The following MCTP1 variants were observed in gnomAD, a reference collection of about 807,000 sequenced individuals.
MCTP1 encodes multiple C2 and transmembrane domain-containing protein 1.
In MCTP1, 69 loss-of-function variants were observed where a neutral mutation model predicts 120.6. The observed-to-expected ratio is 0.57, with a 90% confidence interval of 0.47 to 0.70. MCTP1 has a LOEUF of 0.70. Ranked by LOEUF, MCTP1 falls within the 30% of genes least tolerant of loss-of-function variation. MCTP1 has a pLI of 0.00. For missense variants in MCTP1, 1,203 were observed against 1,248.8 expected (o/e 0.96, Z 0.55); for synonymous variants, 529 against 493.1 (o/e 1.07, Z -0.96).
intron 1 of MCTP1, among the ~76,000 whole-genome samples, chr5:95,110,531 A>C (rs1757378704): frequency 6.6e-6 from 1 of 152,152 alleles, no homozygotes; most frequent in Admixed American, 6.6e-5. Flanking sequence ...ATGTGAGTTA[A>C]AATAAACCTT....
At chr5:95,017,124 C>T (rs1837275916) in intron 2 of MCTP1, among the ~76,000 whole-genome samples, 1 of 152,104 alleles carries the variant, frequency 6.6e-6, no homozygotes, top group Non-Finnish European at 1.5e-5. Context: ...TCTAATTTGT[C>T]AGCAGTTTGA....
At chr5:95,130,745 G>A (rs969654781) in intron 1 of MCTP1, among the ~76,000 whole-genome samples, 20 of 152,052 alleles carry the variant, frequency 1.3e-4, no homozygotes, top group African/African-American at 4.8e-4. Flanking sequence ...AATCATACGG[G>A]ATTATCACCT....
At chr5:95,140,380 A>G (rs1490435851) in intron 1 of MCTP1, among the ~76,000 whole-genome samples, 1 of 152,150 alleles carries the variant, frequency 6.6e-6, no homozygotes, top group Non-Finnish European at 1.5e-5. Flanking sequence ...TTACTTCTCT[A>G]TAGTCCAGAA....
intron 3 of MCTP1, among the ~76,000 whole-genome samples, chr5:94,946,032 A>C (rs1818827502): frequency 6.6e-6 from 1 of 152,244 alleles, no homozygotes; most frequent in African/African-American, 2.4e-5. Flanking sequence ...AGGAACAGCT[A>C]CTGAGGGAGC....
intron 17 of MCTP1, among the ~76,000 whole-genome samples, chr5:94,831,081 T>C (rs939957930): frequency 6.6e-6 from 1 of 152,224 alleles, no homozygotes; most frequent in African/African-American, 2.4e-5. Flanking sequence ...GAAGACATGA[T>C]GCTATAGACG....
chr5:94,759,979 T>G lies in MCTP1; in HGVS notation c.2610+19131A>C, dbSNP rs7719825. On this transcript the variant is annotated intron_variant, in intron 19 of 22. Transcript: ENST00000515393. ...ACCATTTTACTGTTGAGGGTTTTTT[T>G]TTTTTTTTTTGGTACGAAAAATAAT... 8.8e-3 allele frequency among the ~76,000 whole-genome samples: 1,324 copies of G among 150,010 alleles called. 29 individuals carry two copies. The highest frequency in any genetic ancestry group is 0.031 in the African/African-American group (1,251 of 40,924).
At chr5:94,853,414 A>C (rs1189997176) in intron 17 of MCTP1, among the ~76,000 whole-genome samples, 1 of 151,916 alleles carries the variant, frequency 6.6e-6, no homozygotes. Flanking sequence ...CTGATGGCTG[A>C]AAATTTGCAG....
intron 1 of MCTP1, among the ~76,000 whole-genome samples, chr5:95,072,961 G>A (rs1380905785): frequency 2.0e-5 from 3 of 151,950 alleles, no homozygotes; most frequent in Non-Finnish European, 4.4e-5. Context: ...TAGCCAGGAT[G>A]GTCTCGATCT....
chr5:95,168,476 T>C (rs1746746375), intron 1 of MCTP1, among the ~76,000 whole-genome samples: 2 of 152,218 alleles, frequency 1.3e-5, no homozygotes, highest in Admixed American at 1.3e-4. Context: ...AATCTATAAA[T>C]TACCTTGGGC....
intron 2 of MCTP1, among the ~76,000 whole-genome samples, chr5:95,008,928 G>A (rs1288028406): frequency 6.6e-6 from 1 of 152,112 alleles, no homozygotes; most frequent in Admixed American, 6.6e-5. Flanking sequence ...TACTGGGAAG[G>A]CTTGGTGGGA....
intron 19 of MCTP1, among the ~76,000 whole-genome samples, chr5:94,722,089 T>A (rs1289802746): frequency 1.3e-5 from 2 of 152,202 alleles, no homozygotes; most frequent in African/African-American, 4.8e-5. Context: ...TACTATGACA[T>A]ATTGCAACAG....
intron 1 of MCTP1, among the ~76,000 whole-genome samples, chr5:95,113,255 G>A (rs1159514): frequency 0.76 from 115,279 of 151,864 alleles, 44,680 homozygotes; most frequent in Admixed American, 0.86. Flanking sequence ...TCGTCCACCC[G>A]CCCAGGAAGA....
chr5:95,163,006 C>A (rs562748211), intron 1 of MCTP1, among the ~76,000 whole-genome samples: 92 of 152,130 alleles, frequency 6.0e-4, no homozygotes, highest in African/African-American at 2.0e-3. Context: ...TGATGCAGAC[C>A]TTCAACATTT....
At chr5:94,918,828 G>C (rs1006326602) in intron 7 of MCTP1, among the ~76,000 whole-genome samples, 3 of 152,054 alleles carry the variant, frequency 2.0e-5, no homozygotes, top group East Asian at 3.8e-4. Context: ...TGCTGTTTTC[G>C]CACTCCAGTG....
chr5:95,075,844 A>G (rs1426508032), intron 1 of MCTP1, among the ~76,000 whole-genome samples: 3 of 152,220 alleles, frequency 2.0e-5, no homozygotes, highest in African/African-American at 4.8e-5. Context: ...ATACTTGTGG[A>G]ATTGTTATAT....
intron 18 of MCTP1, chr5:94,792,406 G>A (rs1001263173): frequency 6.6e-6 from 1 of 152,314 alleles, no homozygotes; most frequent in Non-Finnish European, 1.5e-5. Context: ...GAAGACAAAA[G>A]GGGTTGCCTT....
chr5:95,121,681 A>C (rs982115192), intron 1 of MCTP1, among the ~76,000 whole-genome samples: 1 of 152,048 alleles, frequency 6.6e-6, no homozygotes, highest in Non-Finnish European at 1.5e-5. Context: ...GAAAAGACCC[A>C]GAATAGCCAA....
At chr5:94,969,648 T>C (rs1002329767) in intron 2 of MCTP1, among the ~76,000 whole-genome samples, 2 of 152,114 alleles carry the variant, frequency 1.3e-5, no homozygotes, top group African/African-American at 2.4e-5. Context: ...AACACATATA[T>C]TGTGGGGACA....
intron 19 of MCTP1, among the ~76,000 whole-genome samples, chr5:94,777,927 C>CGTGTGTGTGT (rs71615135): frequency 0.014 from 2,057 of 148,948 alleles, 37 homozygotes; most frequent in African/African-American, 0.042. Context: ...AGAAAGTGTG[C>CGTGTGTGTGT]GTGTGTGTGT....
Sources: gnomAD v4.1 joint callset for allele counts (sites outside exome capture counted in the v4.1 genomes callset) on GRCh38, gnomAD v4.1.1 for gene constraint, MANE v1.5 for transcripts, NCBI Gene and HGNC (gene_info 2026-07-23, HGNC 2026-07-21) for gene names.